LYPD6B: variants seen among roughly 807,000 people sequenced by gnomAD.
LYPD6B encodes the protein LY6/PLAUR domain containing 6B, also known as ly6/PLAUR domain-containing protein 6B.
In LYPD6B, 17 loss-of-function variants were observed where a neutral mutation model predicts 22.8. That is an observed-to-expected ratio of 0.75 (90% CI 0.51 to 1.12). LYPD6B has a LOEUF of 1.12. Ranked by LOEUF, LYPD6B falls within the 50% of genes most tolerant of loss-of-function variation. LYPD6B has a pLI of 0.00. For missense variants in LYPD6B, 221 were observed against 258.3 expected (o/e 0.86, Z 0.99); for synonymous variants, 106 against 91.6 (o/e 1.16, Z -0.90).
chr2:149,103,899 C>T (rs1206531580), intron 1 of LYPD6B, among the ~76,000 whole-genome samples: 1 of 150,894 alleles, frequency 6.6e-6, no homozygotes, highest in Non-Finnish European at 1.5e-5. Context: ...GCCTCAGCCT[C>T]CTAAGTAGCT....
intron 1 of LYPD6B, among the ~76,000 whole-genome samples, chr2:149,052,570 G>A (rs1683611751): frequency 6.6e-6 from 1 of 152,162 alleles, no homozygotes; most frequent in African/African-American, 2.4e-5. Context: ...AAGGACACTG[G>A]GAGTCTGTGG....
At chr2:149,194,173 T>G (rs1297003339) in intron 3 of LYPD6B, among the ~76,000 whole-genome samples, 2 of 152,236 alleles carry the variant, frequency 1.3e-5, no homozygotes, top group Non-Finnish European at 2.9e-5. Flanking sequence ...GTCTTTCTTC[T>G]TACCCTGATT....
At chr2:149,205,798 T>G (rs1289639521) in intron 4 of LYPD6B, among the ~76,000 whole-genome samples, 26 of 152,212 alleles carry the variant, frequency 1.7e-4, no homozygotes, top group Non-Finnish European at 1.5e-5. Context: ...AAAACAGATT[T>G]GTATGTTTGA....
chr2:149,145,091 C>T (rs1023293870), intron 2 of LYPD6B, among the ~76,000 whole-genome samples: 7 of 152,010 alleles, frequency 4.6e-5, no homozygotes, highest in African/African-American at 1.4e-4. Context: ...TTAAGTGGTC[C>T]GTCATTTGAA....
intron 1 of LYPD6B, among the ~76,000 whole-genome samples, chr2:149,050,793 G>T (rs950045965): frequency 2.6e-5 from 4 of 152,130 alleles, no homozygotes; most frequent in African/African-American, 9.7e-5. Flanking sequence ...TGGCACCCAG[G>T]AAGCCCGGAG....
At chr2:149,118,317 C>T (rs1010195850) in intron 1 of LYPD6B, 3 of 152,152 alleles carry the variant, frequency 2.0e-5, no homozygotes, top group African/African-American at 7.2e-5. Context: ...TTGATATATA[C>T]TTTTAAACTG....
At chr2:149,130,758 A>T in intron 1 of LYPD6B, 125 bp from the exon 2 acceptor site, 1 of 514,900 alleles carries the variant, frequency 1.9e-6, no homozygotes. Context: ...AGGAAAGGTT[A>T]TTGAGCCTAA....
intron 2 of LYPD6B, among the ~76,000 whole-genome samples, chr2:149,135,719 C>CAA (rs386391471): frequency 0.13 from 4,209 of 32,058 alleles, 837 homozygotes; most frequent in Non-Finnish European, 0.18. Flanking sequence ...GACCATGTCT[C>CAA]AAAAAAAAAA....
At position 149,160,843 on chromosome 2, in the gene LYPD6B, T is replaced by C. The variant is rs751775084; in HGVS notation, c.77+8T>C. On this transcript the variant is annotated splice_region_variant and intron_variant, in intron 3 of 6. Transcript: ENST00000409642. ...CACATTCTCCTTCTCAAGGTAAGAA[T>C]GGCAGCTGTTACAACAGCCCTCGGC... The C allele has an allele frequency of 6.5e-7, 1 of 1,547,516 alleles. No individual in the cohort carries two copies. Among genetic ancestry groups the C allele is most frequent in the African/African-American group, 1.4e-5 (1 of 73,024 alleles).
intron 3 of LYPD6B, among the ~76,000 whole-genome samples, chr2:149,193,221 T>C (rs1335194147): frequency 6.6e-6 from 1 of 152,170 alleles, no homozygotes; most frequent in Non-Finnish European, 1.5e-5. Context: ...AATCTCTGCA[T>C]TCATTAATAA....
intron 4 of LYPD6B, among the ~76,000 whole-genome samples, chr2:149,207,269 G>A (rs1326410503): frequency 6.6e-6 from 1 of 151,870 alleles, no homozygotes; most frequent in Non-Finnish European, 1.5e-5. Context: ...TTCTTGTTTT[G>A]TGCTACCATA....
chr2:149,081,552 G>T (rs1417881991), intron 1 of LYPD6B, among the ~76,000 whole-genome samples: 1 of 152,106 alleles, frequency 6.6e-6, no homozygotes, highest in Non-Finnish European at 1.5e-5. Flanking sequence ...CAACCCCATT[G>T]CCTGTAGGAA....
chr2:149,041,944 T>A (rs980991435), intron 1 of LYPD6B, among the ~76,000 whole-genome samples: 6 of 152,130 alleles, frequency 3.9e-5, no homozygotes, highest in African/African-American at 1.4e-4. Context: ...AAGGGGTGGA[T>A]TGGGGTGGAG....
Position 149,098,780 on chromosome 2 carries a change from T to TTA in LYPD6B, c.-66-32103_-66-32102insTA, listed in dbSNP as rs1303605914. Among the ~76,000 whole-genome samples the TTA allele has an allele frequency of 5.2e-3, 782 of 151,094 alleles. 8 individuals are homozygous for TTA. Among genetic ancestry groups the TTA allele is most frequent in the African/African-American group, 0.018 (740 of 41,218 alleles). On this transcript the variant is annotated intron_variant, in intron 1 of 6. Coordinates refer to ENST00000409642, the MANE Select transcript of LYPD6B (RefSeq NM_177964.5). The stretch of plus-strand genomic sequence containing the variant: ...TGTGCTTTTTCTTTTTTTTTTTTTT[T>TTA]ATCACACTGCCTTGCAGTGGAAAGT...
chr2:149,177,756 C>T (rs932506828), intron 3 of LYPD6B, among the ~76,000 whole-genome samples: 2 of 151,556 alleles, frequency 1.3e-5, no homozygotes, highest in Admixed American at 6.6e-5. Flanking sequence ...TGGTGGTTCA[C>T]GAAATCTGCT....
chr2:149,117,941 G>C (rs905554204), intron 1 of LYPD6B, among the ~76,000 whole-genome samples: 4 of 152,118 alleles, frequency 2.6e-5, no homozygotes, highest in Non-Finnish European at 5.9e-5. Flanking sequence ...CTAGGGCTGT[G>C]GTCATCTGAA....
intron 1 of LYPD6B, among the ~76,000 whole-genome samples, chr2:149,071,859 G>A (rs1684619559): frequency 6.6e-6 from 1 of 152,150 alleles, no homozygotes; most frequent in Admixed American, 6.5e-5. Context: ...GGCTTGCAAT[G>A]GGAAGAAGAA....
At chr2:149,153,092 A>G (rs1188429287) in intron 2 of LYPD6B, among the ~76,000 whole-genome samples, 1 of 152,218 alleles carries the variant, frequency 6.6e-6, no homozygotes, top group Non-Finnish European at 1.5e-5. Context: ...AGTGTGGTTG[A>G]TAAAAGCTGA....
At chr2:149,094,249 G>A (rs1019491989) in intron 1 of LYPD6B, among the ~76,000 whole-genome samples, 1 of 152,108 alleles carries the variant, frequency 6.6e-6, no homozygotes, top group Non-Finnish European at 1.5e-5. Flanking sequence ...TCGACTATCG[G>A]CATGCAATTT....
Sources: allele counts gnomAD v4.1 joint callset (sites outside exome capture counted in the v4.1 genomes callset), GRCh38; gene constraint gnomAD v4.1.1; transcripts MANE v1.5; gene names NCBI Gene and HGNC (gene_info 2026-07-23, HGNC 2026-07-21).